Variants in BCAR3 observed in about 807,000 individuals in gnomAD.
The protein encoded by BCAR3 is BCAR3 adaptor protein, NSP family member, also known as breast cancer anti-estrogen resistance protein 3.
BCAR3 carries 37 observed loss-of-function variants against 80.1 expected under a neutral mutation model. The ratio of observed to expected loss-of-function variants is 0.46; its 90% CI spans 0.36 to 0.61. BCAR3 has a LOEUF of 0.61. Ranked by LOEUF, BCAR3 falls within the 20% of genes least tolerant of loss-of-function variation. BCAR3 has a pLI of 0.00. For missense variants in BCAR3, 978 were observed against 1,068.2 expected, an observed-to-expected ratio of 0.92 and a Z score of 1.18; for synonymous variants, 389 against 418.9, an observed-to-expected ratio of 0.93 and a Z score of 0.87.
chr1:93,738,037 C>T (rs1421446892), intron 2 of BCAR3, among the ~76,000 whole-genome samples: 1 of 152,108 alleles, frequency 6.6e-6, no homozygotes, highest in Non-Finnish European at 1.5e-5. Flanking sequence ...TCTTGCTTTG[C>T]TGCCTTGGCT....
intron 3 of BCAR3, chr1:93,594,681 T>C (rs1257060657): frequency 6.6e-6 from 1 of 152,340 alleles, no homozygotes; most frequent in Non-Finnish European, 1.5e-5. Context: ...ACAGGCAGTC[T>C]GCAGGCTTAG....
chr1:93,748,086 TC>T (rs1475356230), intron 2 of BCAR3, among the ~76,000 whole-genome samples: 1 of 152,192 alleles, frequency 6.6e-6, no homozygotes, highest in African/African-American at 2.4e-5. Context: ...GTGCCTCCTT[TC>T]TTCCTCATTT....
intron 7 of BCAR3, among the ~76,000 whole-genome samples, chr1:93,577,951 C>A (rs945240354): frequency 1.3e-5 from 2 of 152,238 alleles, no homozygotes; most frequent in Non-Finnish European, 2.9e-5. Context: ...TGAGGGGATC[C>A]CAAGCTCACA....
chr1:93,817,951 C>T (rs923395640), intron 2 of BCAR3, among the ~76,000 whole-genome samples: 1 of 152,194 alleles, frequency 6.6e-6, no homozygotes, highest in African/African-American at 2.4e-5. Flanking sequence ...CTTTGCTCCC[C>T]GCCGCCCCAC....
chr1:93,725,675 G>C (rs140819980), intron 2 of BCAR3, among the ~76,000 whole-genome samples: 1 of 151,956 alleles, frequency 6.6e-6, no homozygotes, highest in African/African-American at 2.4e-5. Flanking sequence ...TGAATTTTTT[G>C]TATTCTGAAG....
intron 2 of BCAR3, among the ~76,000 whole-genome samples, chr1:93,784,641 A>C (rs1652879549): frequency 6.6e-6 from 1 of 152,222 alleles, no homozygotes; most frequent in Non-Finnish European, 1.5e-5. Flanking sequence ...AAGACTGCGC[A>C]GCCAAATGCT....
At chr1:93,632,211 G>A (rs1462494093) in intron 3 of BCAR3, among the ~76,000 whole-genome samples, 1 of 152,194 alleles carries the variant, frequency 6.6e-6, no homozygotes, top group Non-Finnish European at 1.5e-5. Context: ...TTGAAAGCCT[G>A]TTATGCATTA....
chr1:93,585,485 TA>T lies in BCAR3; in HGVS notation c.930-1365del, dbSNP rs535913062. 2.8e-4 allele frequency among the ~76,000 whole-genome samples: 43 copies of T among 152,328 alleles called. No homozygotes were observed. The South Asian group carries it at 4.1e-3, about 15-fold the overall frequency. On this transcript the variant is annotated intron_variant, in intron 5 of 11. Coordinates refer to ENST00000260502, the MANE Select transcript of BCAR3 (RefSeq NM_003567.4). ...TTCATTTCTTATCTTAAAAAGTTTT[TA>T]AACCAGGATCATTCAGGGCCAACTA... is the stretch of plus-strand genomic sequence containing the variant.
Position 93,719,501 on chromosome 1 carries a change from C to T in BCAR3, c.-62-13359G>A, listed in dbSNP as rs185115730. Reference sequence around the variant, plus strand: ...GACTACAGGCGCCCACCACCACGCCCGGCTAATTTTTTTGTATTTTTTAGT... The same window carrying T: ...GACTACAGGCGCCCACCACCACGCCTGGCTAATTTTTTTGTATTTTTTAGT... On this transcript the variant is annotated intron_variant, in intron 2 of 13. Transcript: ENST00000370244. 2.5e-3 allele frequency among the ~76,000 whole-genome samples: 373 copies of T among 151,854 alleles called. 3 individuals are homozygous for T. The highest frequency in any genetic ancestry group is 8.6e-3 in the African/African-American group (358 of 41,404).
intron 2 of BCAR3, among the ~76,000 whole-genome samples, chr1:93,670,426 C>G (rs1648148128): frequency 6.6e-6 from 1 of 152,170 alleles, no homozygotes; most frequent in South Asian, 2.1e-4. Flanking sequence ...TCCATTCTCC[C>G]CAAAGTAGGT....
intron 3 of BCAR3, among the ~76,000 whole-genome samples, chr1:93,596,895 C>G (rs1206310413): frequency 6.6e-6 from 1 of 152,182 alleles, no homozygotes. Flanking sequence ...CACACAGCAG[C>G]TGTGGGCTCA....
At position 93,589,236 on chromosome 1, in the gene BCAR3, A is replaced by G; in HGVS notation, c.670T>C (p.Phe224Leu). The G allele has an allele frequency of 6.2e-7, 1 of 1,614,098 alleles. No individual in the cohort carries two copies. The highest frequency in any genetic ancestry group is 8.5e-7 in the Non-Finnish European group (1 of 1,180,018). The change falls in exon 5 of 12, where the codon TTC becomes CTC. Residue 224 changes from phenylalanine (F) to leucine (L), a missense_variant. By Grantham distance (22) the Phe-to-Leu change is conservative (BLOSUM62 0). Transcript: ENST00000260502. Reference sequence around the variant, plus strand: ...CGCACCAGGCCGGGGATGGAGTCGAAGCTCTCCATCTCGAACTGGTACTGC... The same window carrying G: ...CGCACCAGGCCGGGGATGGAGTCGAGGCTCTCCATCTCGAACTGGTACTGC... Reference protein sequence around the residue: ...RVQYQFEMESFDSIPGLVRCY... With the variant: ...RVQYQFEMESLDSIPGLVRCY...
chr1:93,763,615 C>T (rs1652035123), intron 2 of BCAR3, among the ~76,000 whole-genome samples: 1 of 152,226 alleles, frequency 6.6e-6, no homozygotes, highest in Non-Finnish European at 1.5e-5. Flanking sequence ...AGTAATTATA[C>T]TGCTTCTCAG....
intron 3 of BCAR3, among the ~76,000 whole-genome samples, chr1:93,593,359 TATTTA>T (rs1385675361): frequency 2.0e-5 from 3 of 152,126 alleles, no homozygotes; most frequent in African/African-American, 7.2e-5. Flanking sequence ...TAAAAATGTT[TATTTA>T]TTTTATTTTT....
chr1:93,722,321 G>C (rs907533571), intron 2 of BCAR3, among the ~76,000 whole-genome samples: 1 of 152,224 alleles, frequency 6.6e-6, no homozygotes, highest in African/African-American at 2.4e-5. Flanking sequence ...TACTATTTTA[G>C]GTAGCAGTCA....
chr1:93,837,825 C>T (rs1654821501), intron 2 of BCAR3, among the ~76,000 whole-genome samples: 1 of 152,198 alleles, frequency 6.6e-6, no homozygotes, highest in African/African-American at 2.4e-5. Flanking sequence ...TGGTGGGTAG[C>T]CTGCTCAATG....
chr1:93,596,811 G>C (rs1403447136), intron 3 of BCAR3, among the ~76,000 whole-genome samples: 1 of 152,166 alleles, frequency 6.6e-6, no homozygotes, highest in East Asian at 1.9e-4. Flanking sequence ...GGAGGTGGCA[G>C]CAGAGGAGGA....
At chr1:93,611,021 T>C (rs1047720122) in intron 3 of BCAR3, among the ~76,000 whole-genome samples, 1 of 152,176 alleles carries the variant, frequency 6.6e-6, no homozygotes, top group Admixed American at 6.5e-5. Flanking sequence ...TCTCTGAGCC[T>C]TGGTGTGTCC....
At chr1:93,759,500 T>C (rs1421147205) in intron 2 of BCAR3, among the ~76,000 whole-genome samples, 1 of 152,164 alleles carries the variant, frequency 6.6e-6, no homozygotes, top group Admixed American at 6.5e-5. Context: ...GGAAGGAGTG[T>C]GTGGAGCAGA....
Sources: gnomAD v4.1 joint callset for allele counts (sites outside exome capture counted in the v4.1 genomes callset) on GRCh38, gnomAD v4.1.1 for gene constraint, MANE v1.5 for transcripts, NCBI Gene and HGNC (gene_info 2026-07-23, HGNC 2026-07-21) for gene names.